SBF2: variants seen among roughly 807,000 people sequenced by gnomAD.
SBF2 encodes the protein SET binding factor 2.
A neutral mutation model predicts 225.2 loss-of-function variants in SBF2; 112 were observed. That is an observed-to-expected ratio of 0.50 (90% confidence interval 0.43 to 0.58). SBF2 has a LOEUF of 0.58. SBF2 is among the 20% of genes least tolerant of loss of function. The pLI, the probability that SBF2 is intolerant of heterozygous loss-of-function variation, is 0.00. For missense variants in SBF2, 1,996 were observed against 2,206.2 expected (o/e 0.90, Z 1.91); for synonymous variants, 763 against 773.3 (o/e 0.99, Z 0.22).
At chr11:10,137,322 A>G (rs1321175931) in intron 2 of SBF2, among the ~76,000 whole-genome samples, 2 of 152,234 alleles carry the variant, frequency 1.3e-5, no homozygotes, top group Non-Finnish European at 2.9e-5. Flanking sequence ...GTCTATACAC[A>G]TAATGATGTC....
chr11:10,100,448 T>C (rs933478443), intron 2 of SBF2, among the ~76,000 whole-genome samples: 6 of 152,246 alleles, frequency 3.9e-5, no homozygotes, highest in Non-Finnish European at 8.8e-5. Flanking sequence ...GGGCTGATTC[T>C]GGCAATCTCT....
At chr11:9,798,907 G>A (rs1469776673) in intron 32 of SBF2, among the ~76,000 whole-genome samples, 3 of 146,594 alleles carry the variant, frequency 2.0e-5, no homozygotes, top group African/African-American at 5.0e-5. Context: ...AGCCGAGATC[G>A]CGCCACCGCA....
intron 16 of SBF2, among the ~76,000 whole-genome samples, chr11:9,927,021 G>A (rs1590481451): frequency 6.6e-6 from 1 of 152,098 alleles, no homozygotes; most frequent in East Asian, 1.9e-4. Context: ...ATAAAAAGGG[G>A]AGACAACACA....
chr11:9,986,390 A>C (rs976803073), intron 13 of SBF2, among the ~76,000 whole-genome samples: 2 of 152,168 alleles, frequency 1.3e-5, no homozygotes, highest in Non-Finnish European at 2.9e-5. Flanking sequence ...AAACAAGAAC[A>C]AACCAAATCT....
intron 2 of SBF2, among the ~76,000 whole-genome samples, chr11:10,181,225 G>A (rs1565326742): frequency 6.6e-6 from 1 of 151,944 alleles, no homozygotes; most frequent in Non-Finnish European, 1.5e-5. Flanking sequence ...TTTTAGAAAA[G>A]CTTTAGCAGA....
rs552598238 is a variant in SBF2 at position 10,182,959 on chromosome 11, G to A, written c.141+10943C>T. 5.9e-5 allele frequency among the ~76,000 whole-genome samples: 9 copies of A among 152,098 alleles called. No individual in the cohort carries two copies. The South Asian group carries it at 1.9e-3, about 32-fold the overall frequency. The stretch of plus-strand genomic sequence containing the variant: ...AGCTAATTTTTGTATTTTTAGTAGA[G>A]ACAGGGTTTCACCATGTTGGCCAGG... On this transcript the variant is annotated intron_variant, in intron 2 of 39. Coordinates refer to ENST00000256190, the MANE Select transcript of SBF2 (RefSeq NM_030962.4).
intron 6 of SBF2, among the ~76,000 whole-genome samples, chr11:10,025,177 G>A (rs926373979): frequency 1.3e-5 from 2 of 152,114 alleles, no homozygotes; most frequent in Non-Finnish European, 1.5e-5. Context: ...GGTCTAGAAT[G>A]TAGTTATCTT....
intron 1 of SBF2, among the ~76,000 whole-genome samples, chr11:10,229,258 A>T (rs140939240): frequency 0.073 from 11,147 of 152,074 alleles, 590 homozygotes; most frequent in East Asian, 0.29. Context: ...TGATCTTTTC[A>T]AAAAACCAGC....
At chr11:10,141,098 G>T (rs1954619479) in intron 2 of SBF2, among the ~76,000 whole-genome samples, 1 of 152,138 alleles carries the variant, frequency 6.6e-6, no homozygotes. Flanking sequence ...AAAAATGCTT[G>T]ATCTCCTCTT....
chr11:10,121,113 C>T (rs771865267), intron 2 of SBF2, among the ~76,000 whole-genome samples: 13 of 152,084 alleles, frequency 8.5e-5, no homozygotes, highest in Non-Finnish European at 1.8e-4. Flanking sequence ...CTAATGGGTG[C>T]GGTGTGACAT....
At chr11:9,882,795 C>CAAA (rs56699466) in intron 17 of SBF2, among the ~76,000 whole-genome samples, 8,596 of 88,678 alleles carry the variant, frequency 0.097, 869 homozygotes, top group Non-Finnish European at 0.15. Context: ...GTGACAGAGT[C>CAAA]AAAAAAAAAA....
chr11:10,227,771 T>G (rs1169746289), intron 1 of SBF2, among the ~76,000 whole-genome samples: 1 of 152,174 alleles, frequency 6.6e-6, no homozygotes, highest in Middle Eastern at 3.2e-3. Flanking sequence ...TCCAGCTTTG[T>G]TCTTTTGGCT....
chr11:10,232,273 G>A (rs556480496), intron 1 of SBF2, among the ~76,000 whole-genome samples: 2 of 152,198 alleles, frequency 1.3e-5, no homozygotes, highest in African/African-American at 2.4e-5. Context: ...GGGATGCCTC[G>A]TGCTGCTTCA....
intron 16 of SBF2, among the ~76,000 whole-genome samples, chr11:9,945,103 C>A (rs1370633675): frequency 1.3e-5 from 2 of 151,912 alleles, no homozygotes; most frequent in Non-Finnish European, 2.9e-5. Context: ...AAGATTCTAT[C>A]TCAAAAAAAT....
chr11:10,007,116 A>T (rs1203407005), intron 6 of SBF2, among the ~76,000 whole-genome samples: 2 of 152,134 alleles, frequency 1.3e-5, no homozygotes, highest in Non-Finnish European at 2.9e-5. Context: ...TGAACAGGAG[A>T]GGGCTCTCTG....
At chr11:9,836,300 A>T (rs767354243) in intron 26 of SBF2, among the ~76,000 whole-genome samples, 9 of 152,174 alleles carry the variant, frequency 5.9e-5, no homozygotes, top group Non-Finnish European at 1.0e-4. Context: ...CCTTTTACAT[A>T]TAGATCTATA....
intron 38 of SBF2, among the ~76,000 whole-genome samples, chr11:9,782,012 C>T (rs897589003): frequency 5.9e-5 from 9 of 151,864 alleles, no homozygotes; most frequent in African/African-American, 2.2e-4. Context: ...TGGTGAAACC[C>T]CGTCTCTACA....
intron 2 of SBF2, among the ~76,000 whole-genome samples, chr11:10,049,710 T>G (rs2134708258): frequency 6.6e-6 from 1 of 152,346 alleles, no homozygotes; most frequent in South Asian, 2.1e-4. Context: ...TAAAGGGTAC[T>G]GAGACTAAAA....
intron 2 of SBF2, among the ~76,000 whole-genome samples, chr11:10,088,157 G>A (rs762884791): frequency 2.0e-5 from 3 of 151,808 alleles, no homozygotes; most frequent in Non-Finnish European, 2.9e-5. Context: ...CTGAGTAGCT[G>A]AGACTATAGG....
Sources: gnomAD v4.1 joint callset for allele counts (sites outside exome capture counted in the v4.1 genomes callset) on GRCh38, gnomAD v4.1.1 for gene constraint, MANE v1.5 for transcripts, NCBI Gene and HGNC (gene_info 2026-07-23, HGNC 2026-07-21) for gene names.